The following GNA14 variants were observed in gnomAD, a reference collection of about 807,000 sequenced individuals.
GNA14 encodes the protein guanine nucleotide-binding protein subunit alpha-14.
Under a neutral mutation model 42.0 loss-of-function variants are expected in GNA14, and 50 were observed. The observed-to-expected ratio is 1.19, with a 90% CI of 0.95 to 1.51. The LOEUF is 1.51. Ranked by LOEUF, GNA14 falls within the 40% of genes most tolerant of loss-of-function variation. The probability of loss-of-function intolerance (pLI) is 0.00; values close to 1 mark genes in which losing one functional copy is unlikely to be tolerated. For missense variants in GNA14, 473 were observed against 446.2 expected (o/e 1.06, Z -0.54); for synonymous variants, 173 against 163.1 (o/e 1.06, Z -0.46).
At chr9:77,424,219 T>G (rs777685004) in intron 6 of GNA14, 50 bp from the exon 7 acceptor site, 2 of 1,325,588 alleles carry the variant, frequency 1.5e-6, no homozygotes, top group East Asian at 4.9e-5. Flanking sequence ...TAACACCATG[T>G]CCTCCCAAGA....
chr9:77,559,026 C>T (rs141622608), intron 1 of GNA14, among the ~76,000 whole-genome samples: 1 of 152,114 alleles, frequency 6.6e-6, no homozygotes, highest in East Asian at 1.9e-4. Flanking sequence ...CGTTGGCTGG[C>T]TTTGTTTTTC....
At chr9:77,503,739 C>G (rs1837012409) in intron 2 of GNA14, among the ~76,000 whole-genome samples, 1 of 149,216 alleles carries the variant, frequency 6.7e-6, no homozygotes, top group Non-Finnish European at 1.5e-5. Flanking sequence ...CTCACTGCAG[C>G]CTCCACCCAC....
At chr9:77,591,168 A>G (rs1823385177) in intron 1 of GNA14, among the ~76,000 whole-genome samples, 1 of 152,196 alleles carries the variant, frequency 6.6e-6, no homozygotes, top group Admixed American at 6.5e-5. Flanking sequence ...GAGTAGAATC[A>G]TCCTGATCAT....
chr9:77,504,686 G>T (rs1837037701), intron 2 of GNA14, among the ~76,000 whole-genome samples: 1 of 73,380 alleles, frequency 1.4e-5, no homozygotes, highest in African/African-American at 6.1e-5. Flanking sequence ...TTTTTTTTTG[G>T]AGACAGAGTC....
At chr9:77,560,259 TTTAA>T (rs1186705870) in intron 1 of GNA14, among the ~76,000 whole-genome samples, 3 of 151,736 alleles carry the variant, frequency 2.0e-5, no homozygotes, top group Non-Finnish European at 1.5e-5. Context: ...TACTTAATAG[TTTAA>T]TTAATTTTTT....
intron 1 of GNA14, among the ~76,000 whole-genome samples, chr9:77,534,722 A>G (rs187349515): frequency 4.6e-5 from 7 of 152,210 alleles, no homozygotes; most frequent in Non-Finnish European, 7.3e-5. Context: ...CATGCGCATA[A>G]CGGATGTGAC....
chr9:77,593,323 C>T (rs916445699), intron 1 of GNA14, among the ~76,000 whole-genome samples: 10 of 144,094 alleles, frequency 6.9e-5, no homozygotes, highest in African/African-American at 2.9e-4. Context: ...AAAATACCCT[C>T]CCTAACATTC....
At chr9:77,488,784 T>TAAAAAAAAAAAAAAA (rs67416479) in intron 2 of GNA14, among the ~76,000 whole-genome samples, 1 of 53,684 alleles carries the variant, frequency 1.9e-5, no homozygotes. Context: ...CACACCTAAT[T>TAAAAAAAAAAAAAAA]AAAAAAAAAA....
chr9:77,616,749 C>T (rs1219222050), intron 1 of GNA14, among the ~76,000 whole-genome samples: 1 of 152,206 alleles, frequency 6.6e-6, no homozygotes, highest in Non-Finnish European at 1.5e-5. Context: ...AGGCCTCATC[C>T]TTATCCTGAG....
chr9:77,587,900 C>T (rs1823330238), intron 1 of GNA14, among the ~76,000 whole-genome samples: 2 of 152,112 alleles, frequency 1.3e-5, no homozygotes, highest in South Asian at 4.2e-4. Context: ...GGGCTCTGTT[C>T]CTTCTGGAGG....
chr9:77,468,244 T>C (rs1836270676), intron 2 of GNA14, among the ~76,000 whole-genome samples: 1 of 152,212 alleles, frequency 6.6e-6, no homozygotes, highest in African/African-American at 2.4e-5. Flanking sequence ...TACTGGCATA[T>C]AGTAGATTTT....
intron 1 of GNA14, among the ~76,000 whole-genome samples, chr9:77,602,400 A>C (rs796100374): frequency 1.2e-4 from 18 of 152,342 alleles, no homozygotes; most frequent in African/African-American, 3.8e-4. Flanking sequence ...TGCAACTACC[A>C]ATGGGTTTCA....
At chr9:77,561,277 G>A (rs1192560690) in intron 1 of GNA14, among the ~76,000 whole-genome samples, 4 of 152,146 alleles carry the variant, frequency 2.6e-5, no homozygotes, top group African/African-American at 9.7e-5. Context: ...ATCCCATTCT[G>A]TGGGTCAAAA....
intron 2 of GNA14, among the ~76,000 whole-genome samples, chr9:77,451,785 G>C (rs961450134): frequency 2.6e-5 from 4 of 152,194 alleles, no homozygotes; most frequent in African/African-American, 9.6e-5. Flanking sequence ...GTTGTAATCA[G>C]GTGCATAAGG....
At chr9:77,505,408 TC>T (rs1245515169) in intron 2 of GNA14, among the ~76,000 whole-genome samples, 1 of 152,176 alleles carries the variant, frequency 6.6e-6, no homozygotes, top group East Asian at 1.9e-4. Context: ...TGCACAGTGC[TC>T]CAGACTGGTA....
At chr9:77,565,989 C>CACTT (rs79770968) in intron 1 of GNA14, among the ~76,000 whole-genome samples, 24,215 of 151,760 alleles carry the variant, frequency 0.16, 3,060 homozygotes, top group African/African-American at 0.36. Flanking sequence ...GGGTAACTGG[C>CACTT]ACTGAGTGGA....
chr9:77,540,945 G>T (rs959231375), intron 1 of GNA14, among the ~76,000 whole-genome samples: 1 of 151,948 alleles, frequency 6.6e-6, no homozygotes, highest in Non-Finnish European at 1.5e-5. Flanking sequence ...GATTTAATCC[G>T]TTTATATTCA....
At chr9:77,469,501 G>A (rs1836292178) in intron 2 of GNA14, among the ~76,000 whole-genome samples, 1 of 147,410 alleles carries the variant, frequency 6.8e-6, no homozygotes, top group African/African-American at 2.5e-5. Flanking sequence ...ACATATCAAA[G>A]TTTTATACTC....
intron 2 of GNA14, among the ~76,000 whole-genome samples, chr9:77,469,839 G>T (rs571463280): frequency 2.0e-5 from 3 of 152,250 alleles, no homozygotes; most frequent in Non-Finnish European, 4.4e-5. Context: ...ATTCAAACCT[G>T]TATTGAATAC....
Sources: gnomAD v4.1 joint callset for allele counts (sites outside exome capture counted in the v4.1 genomes callset) on GRCh38, gnomAD v4.1.1 for gene constraint, MANE v1.5 for transcripts, NCBI Gene and HGNC (gene_info 2026-07-23, HGNC 2026-07-21) for gene names.